Variants in FBXW7 observed in about 807,000 individuals in gnomAD.
FBXW7 encodes F-box/WD repeat-containing protein 7.
FBXW7 carries 11 observed loss-of-function variants against 86.3 expected under a neutral mutation model. The observed-to-expected ratio is 0.13, with a 90% CI of 0.08 to 0.21. The LOEUF (loss-of-function observed/expected upper bound fraction) is 0.21. FBXW7 is among the 10% of genes least tolerant of loss of function. The pLI is 1.00. For synonymous variants in FBXW7, 313 were observed against 297.9 expected (o/e 1.05, Z -0.52); for missense variants, 488 against 847.4 (o/e 0.58, Z 5.27).
At chr4:152,393,826 C>A (rs866021656) in intron 4 of FBXW7, among the ~76,000 whole-genome samples, 2 of 152,104 alleles carry the variant, frequency 1.3e-5, no homozygotes, top group Non-Finnish European at 2.9e-5. Flanking sequence ...CCTTTTGCAT[C>A]AGCAAAAACC....
intron 2 of FBXW7, among the ~76,000 whole-genome samples, chr4:152,489,882 T>G (rs1244873480): frequency 6.6e-6 from 1 of 152,066 alleles, no homozygotes; most frequent in Non-Finnish European, 1.5e-5. Context: ...TTAGTCCAAC[T>G]TGACCCAGCC....
chr4:152,379,261 G>C (rs945424900), intron 4 of FBXW7, among the ~76,000 whole-genome samples: 35 of 152,028 alleles, frequency 2.3e-4, no homozygotes, highest in African/African-American at 8.4e-4. Flanking sequence ...AAAATAACTG[G>C]TTATTTTAAA....
chr4:152,529,948 C>A (rs930943935), intron 2 of FBXW7, among the ~76,000 whole-genome samples: 4 of 151,200 alleles, frequency 2.6e-5, no homozygotes, highest in Non-Finnish European at 4.4e-5. Flanking sequence ...CCCAGCCACT[C>A]GAGAGGCTGA....
intron 4 of FBXW7, among the ~76,000 whole-genome samples, chr4:152,393,398 T>C (rs1019367488): frequency 9.9e-5 from 15 of 152,164 alleles, no homozygotes; most frequent in Non-Finnish European, 2.2e-4. Context: ...ATCTAACTGA[T>C]AGAGAATAAT....
intron 2 of FBXW7, among the ~76,000 whole-genome samples, chr4:152,532,734 T>C (rs1231569450): frequency 6.6e-6 from 1 of 152,134 alleles, no homozygotes; most frequent in Non-Finnish European, 1.5e-5. Flanking sequence ...ATATCTAACA[T>C]CCAGTGCGGT....
intron 4 of FBXW7, among the ~76,000 whole-genome samples, chr4:152,381,794 A>G (rs1735100271): frequency 6.6e-6 from 1 of 152,160 alleles, no homozygotes; most frequent in Non-Finnish European, 1.5e-5. Context: ...AAGGATTTGG[A>G]ACACTTTTTA....
At chr4:152,374,498 G>A (rs893336605) in intron 4 of FBXW7, among the ~76,000 whole-genome samples, 2 of 151,926 alleles carry the variant, frequency 1.3e-5, no homozygotes, top group Admixed American at 1.3e-4. Flanking sequence ...ACAAAAACAA[G>A]CCACATTCTT....
intron 4 of FBXW7, among the ~76,000 whole-genome samples, chr4:152,403,044 T>C (rs1263721133): frequency 6.6e-6 from 1 of 152,178 alleles, no homozygotes; most frequent in East Asian, 1.9e-4. Flanking sequence ...GGGTCTGTCT[T>C]AGGAGACTTA....
intron 4 of FBXW7, among the ~76,000 whole-genome samples, chr4:152,402,238 T>C (rs1737004600): frequency 6.6e-6 from 1 of 152,192 alleles, no homozygotes; most frequent in African/African-American, 2.4e-5. Flanking sequence ...GGTCAATGAC[T>C]GACAAGTATT....
chr4:152,439,249 G>T (rs547551210), intron 2 of FBXW7, among the ~76,000 whole-genome samples: 6 of 151,610 alleles, frequency 4.0e-5, no homozygotes, highest in Middle Eastern at 3.4e-3. Context: ...TTTTTTAAGG[G>T]GTGAGAGGCA....
rs1318548590 is a variant in FBXW7, at chr4:152,535,805, C to CGGCTCCGGCTCAGGCTCG, written c.-909_-892dup. 2.0e-3 allele frequency: 780 copies of CGGCTCCGGCTCAGGCTCG among 392,926 alleles called. 10 individuals are homozygous for CGGCTCCGGCTCAGGCTCG. The East Asian group carries it at 0.02, about 10-fold the overall frequency. The allele number at this position is 392,926 out of a possible 1,614,324, so 24.3% of individuals were successfully genotyped here. A position where few individuals can be genotyped will look rare whatever the true frequency, so the allele number is the denominator to read the frequency against. ...GCCGCCTCCCTGCCCCCCAAGCCGC[C>CGGCTCCGGCTCAGGCTCG]GGCTCCGGCTCAGGCTCGGGCTCCG... On this transcript the variant is annotated 5_prime_UTR_variant, in exon 1 of 14. Coordinates refer to ENST00000281708, the MANE Select transcript of FBXW7 (RefSeq NM_001349798.2).
At chr4:152,440,487 T>C (rs1007778820) in intron 2 of FBXW7, among the ~76,000 whole-genome samples, 15 of 152,216 alleles carry the variant, frequency 9.9e-5, no homozygotes, top group African/African-American at 3.6e-4. Context: ...CACTTAGGAA[T>C]GTCAAACTCT....
chr4:152,376,328 G>A (rs1734516321), intron 4 of FBXW7, among the ~76,000 whole-genome samples: 1 of 151,996 alleles, frequency 6.6e-6, no homozygotes, highest in Non-Finnish European at 1.5e-5. Context: ...ATGATGGTCG[G>A]TGTTTTGGGT....
At chr4:152,459,331 A>G (rs1032212333) in intron 2 of FBXW7, among the ~76,000 whole-genome samples, 1 of 152,238 alleles carries the variant, frequency 6.6e-6, no homozygotes, top group Non-Finnish European at 1.5e-5. Flanking sequence ...CCATTTTTAC[A>G]CTAGCTTCCA....
At chr4:152,397,214 C>G (rs547995622) in intron 4 of FBXW7, among the ~76,000 whole-genome samples, 1 of 151,784 alleles carries the variant, frequency 6.6e-6, no homozygotes, top group Non-Finnish European at 1.5e-5. Flanking sequence ...TTATTTCTGC[C>G]CCCTGAAACA....
At chr4:152,339,000 T>C (rs1424722641) in intron 6 of FBXW7, among the ~76,000 whole-genome samples, 1 of 152,180 alleles carries the variant, frequency 6.6e-6, no homozygotes, top group Non-Finnish European at 1.5e-5. Context: ...TGACAACAGA[T>C]ATATTAAGGA....
intron 4 of FBXW7, among the ~76,000 whole-genome samples, chr4:152,361,945 G>A (rs1578993241): frequency 8.5e-6 from 1 of 118,128 alleles, no homozygotes; most frequent in African/African-American, 3.3e-5. Flanking sequence ...CAGCCTGGGA[G>A]ACAGAGCTAG....
intron 4 of FBXW7, among the ~76,000 whole-genome samples, chr4:152,394,806 C>T (rs879480816): frequency 6.6e-6 from 1 of 151,998 alleles, no homozygotes; most frequent in Non-Finnish European, 1.5e-5. Context: ...ATGCTACTAC[C>T]GTCCCTAAGA....
At chr4:152,516,529 T>G (rs965447540) in intron 2 of FBXW7, among the ~76,000 whole-genome samples, 1 of 152,218 alleles carries the variant, frequency 6.6e-6, no homozygotes, top group Admixed American at 6.5e-5. Context: ...ACTGCTTCTG[T>G]AGAGCGATGG....
Sources: gnomAD v4.1 joint callset for allele counts (sites outside exome capture counted in the v4.1 genomes callset) on GRCh38, gnomAD v4.1.1 for gene constraint, MANE v1.5 for transcripts, NCBI Gene and HGNC (gene_info 2026-07-23, HGNC 2026-07-21) for gene names.